The following DYNC1I1 variants were observed in gnomAD, a reference collection of about 807,000 sequenced individuals.
The protein encoded by DYNC1I1 is cytoplasmic dynein 1 intermediate chain 1.
In DYNC1I1, 43 loss-of-function variants were observed where a neutral mutation model predicts 86.6. The ratio of observed to expected loss-of-function variants is 0.50; its 90% CI spans 0.39 to 0.64. The LOEUF is 0.64. DYNC1I1 is among the 30% of genes least tolerant of loss of function. The pLI is 0.00. For missense variants in DYNC1I1, 604 were observed against 788.8 expected, an observed-to-expected ratio of 0.77 and a Z score of 2.81; for synonymous variants, 262 against 283.7, an observed-to-expected ratio of 0.92 and a Z score of 0.77.
chr7:96,030,096 A>G (rs977064312), intron 11 of DYNC1I1, among the ~76,000 whole-genome samples: 6 of 151,952 alleles, frequency 3.9e-5, no homozygotes, highest in Non-Finnish European at 7.4e-5. Flanking sequence ...AACTTTCACT[A>G]TTGGCTGACT....
chr7:95,877,744 A>T (rs970079615), intron 6 of DYNC1I1, among the ~76,000 whole-genome samples: 1 of 152,260 alleles, frequency 6.6e-6, no homozygotes, highest in African/African-American at 2.4e-5. Context: ...ATCACAACAC[A>T]TCTCAAAAAC....
At chr7:95,818,954 G>T in intron 4 of DYNC1I1, 1 of 154,202 alleles carries the variant, frequency 6.5e-6, no homozygotes, top group Non-Finnish European at 1.4e-5. Context: ...AAATCCTGTA[G>T]TATTTAAAAC....
chr7:95,826,203 C>T (rs77319173), intron 4 of DYNC1I1, among the ~76,000 whole-genome samples: 2 of 152,308 alleles, frequency 1.3e-5, no homozygotes, highest in East Asian at 1.9e-4. Flanking sequence ...AAGAAACACT[C>T]GCCAGTTAGT....
intron 5 of DYNC1I1, among the ~76,000 whole-genome samples, chr7:95,839,978 C>T (rs1054587817): frequency 6.6e-6 from 1 of 151,910 alleles, no homozygotes; most frequent in Non-Finnish European, 1.5e-5. Context: ...AGCAAGTAGC[C>T]ATTTTCTTGT....
At chr7:95,998,165 T>A (rs953183663) in intron 10 of DYNC1I1, among the ~76,000 whole-genome samples, 6 of 152,238 alleles carry the variant, frequency 3.9e-5, no homozygotes, top group African/African-American at 1.4e-4. Context: ...AATGTTATTA[T>A]TCTCTTTTTC....
intron 16 of DYNC1I1, among the ~76,000 whole-genome samples, chr7:96,090,925 G>A (rs1230937357): frequency 2.0e-5 from 3 of 152,082 alleles, no homozygotes; most frequent in Non-Finnish European, 4.4e-5. Context: ...TGTTAGCTGC[G>A]ATGCTAGACT....
chr7:95,997,855 A>G (rs1793909405), intron 10 of DYNC1I1, among the ~76,000 whole-genome samples: 4 of 152,150 alleles, frequency 2.6e-5, no homozygotes, highest in Admixed American at 2.6e-4. Flanking sequence ...GGTGATACTC[A>G]TGAAGTTGGG....
intron 4 of DYNC1I1, among the ~76,000 whole-genome samples, chr7:95,820,960 A>G (rs546055633): frequency 5.3e-5 from 8 of 152,336 alleles, no homozygotes; most frequent in African/African-American, 1.9e-4. Context: ...GCGGCCATGT[A>G]GTGACATCAC....
intron 2 of DYNC1I1, among the ~76,000 whole-genome samples, chr7:95,808,734 G>A (rs757846594): frequency 6.6e-6 from 1 of 152,034 alleles, no homozygotes; most frequent in Admixed American, 6.6e-5. Context: ...TTCTTTCTTC[G>A]ATTATCCTCT....
chr7:95,933,829 G>A (rs915532979), intron 6 of DYNC1I1, among the ~76,000 whole-genome samples: 2 of 151,958 alleles, frequency 1.3e-5, no homozygotes, highest in African/African-American at 4.8e-5. Context: ...TTTCTCCTTG[G>A]CTATTCTTAG....
At chr7:95,830,173 C>T (rs1464586927) in intron 5 of DYNC1I1, among the ~76,000 whole-genome samples, 1 of 152,100 alleles carries the variant, frequency 6.6e-6, no homozygotes, top group Non-Finnish European at 1.5e-5. Context: ...TAGTCCATAG[C>T]TTCCTTTGTC....
At position 96,080,506 on chromosome 7, in the gene DYNC1I1, T is replaced by C. The variant is rs372878694; in HGVS notation, c.1776+18T>C. 4.9e-5 allele frequency: 79 copies of C among 1,614,150 alleles called. No homozygotes were observed. In the African/African-American group the frequency reaches 9.5e-4, roughly 19 times the overall value. ...TTGGAGAGGTACGTGTGTATTTGTG[T>C]TGTTGTTACTGTTTTGACTTGTGTA... On this transcript the variant is annotated intron_variant, in intron 16 of 16. Transcript: ENST00000447467.
Position 95,969,163 on chromosome 7 carries a change from T to C in DYNC1I1, c.491-8349T>C, listed in dbSNP as rs139723550. Among the ~76,000 whole-genome samples, 4 of 152,330 alleles carry C rather than the reference T, an allele frequency of 2.6e-5. No homozygotes were observed. In the East Asian group the frequency reaches 7.7e-4, roughly 29 times the overall value. On this transcript the variant is annotated intron_variant, in intron 6 of 16. Transcript: ENST00000447467. ...GATTATCATTATGTAGTCTATCAGT[T>C]TGAGTTAGTTCATCCAACTATTCTC...
intron 6 of DYNC1I1, among the ~76,000 whole-genome samples, chr7:95,931,886 G>A (rs894292325): frequency 3.9e-5 from 6 of 152,252 alleles, no homozygotes; most frequent in Admixed American, 6.5e-5. Flanking sequence ...TTGTGGTGGC[G>A]TTAATCATAA....
At chr7:95,872,834 C>T (rs7804138) in intron 6 of DYNC1I1, among the ~76,000 whole-genome samples, 23,855 of 152,188 alleles carry the variant, frequency 0.16, 1,918 homozygotes, top group Admixed American at 0.21. Flanking sequence ...ATGGTCCCCT[C>T]CAAGGCTGCC....
intron 6 of DYNC1I1, among the ~76,000 whole-genome samples, chr7:95,876,622 T>C (rs903289057): frequency 1.2e-4 from 18 of 152,338 alleles, no homozygotes; most frequent in African/African-American, 4.1e-4. Flanking sequence ...TTTTCAAATA[T>C]AAGCCCCGCT....
chr7:96,005,741 G>A (rs780656188), intron 10 of DYNC1I1, among the ~76,000 whole-genome samples: 18 of 152,144 alleles, frequency 1.2e-4, no homozygotes, highest in Non-Finnish European at 2.5e-4. Flanking sequence ...CTGGAAGAAC[G>A]CTCACTCAAG....
intron 16 of DYNC1I1, among the ~76,000 whole-genome samples, chr7:96,094,340 A>T (rs1252930878): frequency 6.6e-6 from 1 of 152,170 alleles, no homozygotes; most frequent in Non-Finnish European, 1.5e-5. Flanking sequence ...AATGATTAAG[A>T]TAGTGTTGGA....
chr7:95,849,720 T>C (rs1462235636), intron 5 of DYNC1I1, among the ~76,000 whole-genome samples: 1 of 152,170 alleles, frequency 6.6e-6, no homozygotes, highest in African/African-American at 2.4e-5. Flanking sequence ...TGGTTTCATA[T>C]GAATTTTAGG....
Sources: allele counts gnomAD v4.1 joint callset (sites outside exome capture counted in the v4.1 genomes callset), GRCh38; gene constraint gnomAD v4.1.1; transcripts MANE v1.5; gene names NCBI Gene and HGNC (gene_info 2026-07-23, HGNC 2026-07-21).